Variants in TAAR1 observed in about 807,000 individuals in gnomAD.
The protein encoded by TAAR1 is trace amine associated receptor 1.
A neutral mutation model predicts 1.2 loss-of-function variants in TAAR1; 1 was observed. That is an observed-to-expected ratio of 0.81 (90% CI 0.29 to 3.86). The LOEUF is 3.86. Ranked by LOEUF, TAAR1 falls within the 30% of genes most tolerant of loss-of-function variation. TAAR1 has a pLI of 0.18. For synonymous variants in TAAR1, 153 were observed against 132.2 expected (o/e 1.16, Z -1.08); for missense variants, 445 against 405.6 (o/e 1.10, Z -0.83).
chr6:132,655,276 A>G (rs1777792072), intron 1 of TAAR1, among the ~76,000 whole-genome samples: 1 of 152,216 alleles, frequency 6.6e-6, no homozygotes, highest in African/African-American at 2.4e-5. Flanking sequence ...TATAAAAGAG[A>G]ATAATCACAA....
chr6:132,644,907 TG>T lies in TAAR1; in HGVS notation c.*76del. 1 of 1,197,056 alleles carries T rather than the reference TG, an allele frequency of 8.4e-7. No homozygotes were observed. Among genetic ancestry groups the T allele is most frequent in the South Asian group, 1.7e-5 (1 of 57,530 alleles). The allele number at this position is 1,197,056 out of a possible 1,614,324, so 74.2% of individuals were successfully genotyped here. Reference sequence around the variant, plus strand: ...TGATTTAAAAAAAAATCCATGTGGTTGGTGCATGTGGTTCGTTATGTTGTGT... The same window carrying T: ...TGATTTAAAAAAAAATCCATGTGGTTGTGCATGTGGTTCGTTATGTTGTGT... On this transcript the variant is annotated 3_prime_UTR_variant, in exon 2 of 2. Transcript: ENST00000275216.
chr6:132,655,200 A>G (rs985047618), intron 1 of TAAR1, among the ~76,000 whole-genome samples: 1 of 152,208 alleles, frequency 6.6e-6, no homozygotes, highest in African/African-American at 2.4e-5. Flanking sequence ...ATTAAAAATT[A>G]GAGTACAGAT....
chr6:132,652,817 C>T (rs1446254842), intron 1 of TAAR1, among the ~76,000 whole-genome samples: 3 of 151,654 alleles, frequency 2.0e-5, no homozygotes, highest in Non-Finnish European at 4.4e-5. Flanking sequence ...CTCCTCACCA[C>T]TCTTTTTTAA....
intron 1 of TAAR1, among the ~76,000 whole-genome samples, chr6:132,654,110 G>A (rs73775170): frequency 0.022 from 3,347 of 152,224 alleles, 124 homozygotes; most frequent in African/African-American, 0.076. Flanking sequence ...TTTGCATTTG[G>A]TTCCCGAACC....
At chr6:132,658,791 G>T (rs1414085055) in intron 1 of TAAR1, among the ~76,000 whole-genome samples, 1 of 152,104 alleles carries the variant, frequency 6.6e-6, no homozygotes, top group Middle Eastern at 3.2e-3. Flanking sequence ...AAGAAAAGGA[G>T]ATTTTTTAAA....
chr6:132,651,985 G>A (rs1257388784), intron 1 of TAAR1, among the ~76,000 whole-genome samples: 1 of 152,216 alleles, frequency 6.6e-6, no homozygotes, highest in Non-Finnish European at 1.5e-5. Context: ...TAATCCTACA[G>A]TAGTGTGTGT....
chr6:132,645,116 G>A lies in TAAR1; in HGVS notation c.888C>T (p.Asn296=), dbSNP rs1473625917. ...CATAAACCATTGGATTAAATGTAGA[G>A]TTCAAGTAGCCAAACCAAATCAATA... ...NDVLIWFGYL[N]STFNPMVYAF... The change falls in exon 2 of 2, where the codon AAC becomes AAT. Residue 296 remains asparagine (N), a synonymous_variant. Coordinates refer to ENST00000275216, the MANE Select transcript of TAAR1 (RefSeq NM_138327.4). The A allele has an allele frequency of 5.0e-6, 8 of 1,613,096 alleles. No homozygotes were observed. Among genetic ancestry groups the A allele is most frequent in the East Asian group, 2.2e-5 (1 of 44,830 alleles).
At chr6:132,648,612 T>C (rs1777714351) in intron 1 of TAAR1, among the ~76,000 whole-genome samples, 2 of 152,174 alleles carry the variant, frequency 1.3e-5, no homozygotes, top group Admixed American at 1.3e-4. Context: ...TGTAGAATAA[T>C]TTGTCTGCCC....
chr6:132,655,376 CTTT>C (rs6149815), intron 1 of TAAR1, among the ~76,000 whole-genome samples: 10 of 133,356 alleles, frequency 7.5e-5, no homozygotes, highest in Admixed American at 2.2e-4. Flanking sequence ...TTCATTCATT[CTTT>C]TTTTTTTTTT....
Position 132,645,976 on chromosome 6 carries a change from TA to T in TAAR1, c.27del (p.Asn10IlefsTer5). On this transcript the variant is annotated frameshift_variant, in exon 2 of 2. Transcript: ENST00000275216. LOFTEE classifies it low-confidence loss of function (END_TRUNC). ...CAGTTGTTTTTCACACAGGAAATATTAATTATATTGTGGCAAAAGGGCATCA... is the reference window on the plus strand; with the variant it reads ...CAGTTGTTTTTCACACAGGAAATATTATTATATTGTGGCAAAAGGGCATCA... MMPFCHNI[I>X]NISCVKNNWS... 2 of 1,603,690 alleles carry T rather than the reference TA, an allele frequency of 1.2e-6. No homozygotes were observed. The highest frequency in any genetic ancestry group is 4.5e-5 in the East Asian group (2 of 44,662).
At chr6:132,655,939 A>G (rs1777800605) in intron 1 of TAAR1, among the ~76,000 whole-genome samples, 1 of 152,090 alleles carries the variant, frequency 6.6e-6, no homozygotes, top group African/African-American at 2.4e-5. Context: ...CAGCTTGAAA[A>G]ACAGAGGTAC....
chr6:132,644,155 T>C lies in TAAR1; in HGVS notation c.*829A>G, dbSNP rs1396628330. 6.6e-6 allele frequency among the ~76,000 whole-genome samples: 1 copy of C among 152,004 alleles called. No individual in the cohort carries two copies. The highest frequency in any genetic ancestry group is 1.5e-5 in the Non-Finnish European group (1 of 67,930). Reference sequence around the variant, plus strand: ...TAACAATAGGGAATGGTTAAAAATATATTTGTACATCTGTGCAGTCACGTT... The same window carrying C: ...TAACAATAGGGAATGGTTAAAAATACATTTGTACATCTGTGCAGTCACGTT... On this transcript the variant is annotated 3_prime_UTR_variant, in exon 2 of 2. Transcript: ENST00000275216.
At chr6:132,648,461 A>C (rs57527414) in intron 1 of TAAR1, among the ~76,000 whole-genome samples, 9,468 of 151,472 alleles carry the variant, frequency 0.063, 336 homozygotes, top group East Asian at 0.11. Context: ...CATCTGGCAA[A>C]TTCATAGGCC....
At chr6:132,653,711 C>T (rs377175943) in intron 1 of TAAR1, among the ~76,000 whole-genome samples, 102 of 152,238 alleles carry the variant, frequency 6.7e-4, no homozygotes, top group African/African-American at 2.4e-3. Context: ...CCTAAAATTG[C>T]AACTAAACTT....
At chr6:132,653,859 C>A (rs1777773795) in intron 1 of TAAR1, among the ~76,000 whole-genome samples, 1 of 152,200 alleles carries the variant, frequency 6.6e-6, no homozygotes, top group South Asian at 2.1e-4. Flanking sequence ...GGTTCTTGCC[C>A]AATCGGTGAC....
rs1362158786 is a variant in TAAR1, at chr6:132,645,194, A to G, written c.810T>C (p.Cys270=). 2 of 1,613,436 alleles carry G rather than the reference A, an allele frequency of 1.2e-6. No homozygotes were observed. Among genetic ancestry groups the G allele is most frequent in the Non-Finnish European group, 1.7e-6 (2 of 1,179,690 alleles). Residue 270 remains cysteine, a synonymous_variant, in exon 2 of 2, where the codon TGT becomes TGC. Coordinates refer to ENST00000275216, the MANE Select transcript of TAAR1 (RefSeq NM_138327.4). ...AGTGAAGAAAAGGGTCCATGACTGT[A>G]CAGATAAAGAAAGGGCACCAGCATA... ...FLICWCPFFI[C]TVMDPFLHYI...
Position 132,645,913 on chromosome 6 carries a change from C to T in TAAR1, c.91G>A (p.Val31Met), listed in dbSNP as rs1330036559. The T allele has an allele frequency of 6.2e-7, 1 of 1,613,606 alleles. No individual in the cohort carries two copies. Among genetic ancestry groups the T allele is most frequent in the African/African-American group, 1.3e-5 (1 of 74,856 alleles). The change falls in exon 2 of 2, where the codon GTG (valine) becomes ATG (methionine). Residue 31 changes from valine to methionine, a missense_variant. By Grantham distance (21) the Val-to-Met change is conservative (BLOSUM62 1). Coordinates refer to ENST00000275216, the MANE Select transcript of TAAR1 (RefSeq NM_138327.4). Reference protein sequence around the residue: ...DVRASLYSLMVLIILTTLVGN... With the variant: ...DVRASLYSLMMLIILTTLVGN... ...ACGAGTGTGGTCAGAATTATGAGCA[C>T]CATTAAACTGTACAGGGAAGCACGG...
chr6:132,657,762 A>G (rs920778215), intron 1 of TAAR1, among the ~76,000 whole-genome samples: 1 of 152,052 alleles, frequency 6.6e-6, no homozygotes. Context: ...AAAATAACAC[A>G]AAATTTTAGC....
chr6:132,655,333 C>T (rs907058145), intron 1 of TAAR1, among the ~76,000 whole-genome samples: 3 of 150,082 alleles, frequency 2.0e-5, no homozygotes, highest in Admixed American at 2.0e-4. Flanking sequence ...AAGAGTCTCA[C>T]ATACATTAAG....
Sources: gnomAD v4.1 joint callset for allele counts (sites outside exome capture counted in the v4.1 genomes callset) on GRCh38, gnomAD v4.1.1 for gene constraint, MANE v1.5 for transcripts, NCBI Gene and HGNC (gene_info 2026-07-23, HGNC 2026-07-21) for gene names.